Variants in NME8 observed in about 807,000 individuals in gnomAD.
The protein encoded by NME8 is NME/NM23 family member 8.
NME8 carries 72 observed loss-of-function variants against 82.3 expected under a neutral mutation model. That is an observed-to-expected ratio of 0.87 (90% CI 0.72 to 1.06). The LOEUF (loss-of-function observed/expected upper bound fraction) is 1.06, where lower values mean the gene tolerates loss of function less well. Among genes scored for constraint, NME8 ranks in the 50% least tolerant of loss-of-function variants. NME8 has a pLI of 0.00. For synonymous variants in NME8, 267 were observed against 228.5 expected, an observed-to-expected ratio of 1.17 and a Z score of -1.52; for missense variants, 712 against 685.4, an observed-to-expected ratio of 1.04 and a Z score of -0.43.
chr7:37,851,408 G>T (rs1180161594), intron 5 of NME8, among the ~76,000 whole-genome samples: 2 of 152,034 alleles, frequency 1.3e-5, no homozygotes, highest in African/African-American at 4.8e-5. Flanking sequence ...TAAAATCTGG[G>T]ATAACTTGAG....
chr7:37,851,757 A>C (rs912915310), intron 5 of NME8, among the ~76,000 whole-genome samples: 4 of 152,142 alleles, frequency 2.6e-5, no homozygotes, highest in Non-Finnish European at 5.9e-5. Context: ...CAAACCAACT[A>C]GACTTAAGAT....
chr7:37,874,890 G>T lies in NME8; in HGVS notation c.819-1942G>T, dbSNP rs1231550924. 2.6e-5 allele frequency among the ~76,000 whole-genome samples: 4 copies of T among 152,146 alleles called. No homozygotes were observed. In the East Asian group the frequency reaches 7.7e-4, roughly 29 times the overall value. ...ACTTATTAATTATAAGGGGAAAATT[G>T]TAGCTTTTCAGTAGATAAAATGGGG... On this transcript the variant is annotated intron_variant, in intron 11 of 17. Transcript: ENST00000199447.
At chr7:37,851,897 C>A (rs538174019) in intron 5 of NME8, among the ~76,000 whole-genome samples, 235 of 152,262 alleles carry the variant, frequency 1.5e-3, no homozygotes, top group Non-Finnish European at 2.7e-3. Context: ...CCCCTTTCAA[C>A]CCAAACATTG....
chr7:37,877,074 AT>A, intron 12 of NME8, 67 bp downstream of exon 12: 1 of 1,300,912 alleles, frequency 7.7e-7, no homozygotes, highest in Non-Finnish European at 1.1e-6. Flanking sequence ...CCCTAGTATA[AT>A]TGCATTTAAA....
intron 11 of NME8, among the ~76,000 whole-genome samples, chr7:37,869,294 C>G (rs530116478): frequency 6.6e-6 from 1 of 152,160 alleles, no homozygotes; most frequent in African/African-American, 2.4e-5. Context: ...TAAACAGTAG[C>G]AGTTACTTTC....
chr7:37,888,500 T>A, intron 15 of NME8, 72 bp downstream of exon 15: 1 of 1,447,870 alleles, frequency 6.9e-7, no homozygotes, highest in Non-Finnish European at 9.5e-7. Context: ...AAATTTACAA[T>A]CAGAAAAGCA....
Position 37,867,847 on chromosome 7 carries a change from C to A in NME8, c.767C>A (p.Pro256His), listed in dbSNP as rs781400657. 4.8e-5 allele frequency: 78 copies of A among 1,613,722 alleles called. No homozygotes were observed. The highest frequency in any genetic ancestry group is 6.6e-5 in the Non-Finnish European group (78 of 1,179,880). The stretch of plus-strand genomic sequence containing the variant: ...CCTAACGAACGATCTGAGGATCAAC[C>A]TGAGGTCGAAGCCCAGGTTACACCT... ...TEPNERSEDQ[P>H]EVEAQVTPGM... The change falls in exon 11 of 18, where the codon CCT becomes CAT. Residue 256 changes from proline (P) to histidine (H), a missense_variant. Transcript: ENST00000199447.
intron 11 of NME8, 103 bp from the exon 12 acceptor site, chr7:37,876,729 T>G: frequency 1.2e-6 from 1 of 834,026 alleles, no homozygotes; most frequent in South Asian, 1.6e-5. Context: ...ATTTTTGTTT[T>G]ATTAAACTTC....
intron 11 of NME8, among the ~76,000 whole-genome samples, chr7:37,873,058 C>CA (rs1209558751): frequency 6.6e-6 from 1 of 152,136 alleles, no homozygotes; most frequent in East Asian, 1.9e-4. Flanking sequence ...ATGAGGCAAA[C>CA]AATTATGCTA....
At chr7:37,854,651 G>C (rs1185253967) in intron 5 of NME8, among the ~76,000 whole-genome samples, 7 of 152,152 alleles carry the variant, frequency 4.6e-5, no homozygotes, top group African/African-American at 1.7e-4. Flanking sequence ...ATGTCAGTTT[G>C]TTTTCTGGCA....
intron 11 of NME8, among the ~76,000 whole-genome samples, chr7:37,871,798 G>A (rs1784770773): frequency 6.6e-6 from 1 of 152,004 alleles, no homozygotes; most frequent in Admixed American, 6.6e-5. Flanking sequence ...TAGCTATAGG[G>A]AGCTTAATTT....
rs771622383 is a variant in NME8, at chr7:37,857,319, T to A, written c.244T>A (p.Cys82Ser). ...IVTLQPFRDK[C>S]EPVFLFSVNG... The stretch of plus-strand genomic sequence containing the variant: ...GACTTTGCAGCCATTTAGAGATAAA[T>A]GTGAACCTGTTTTTCTCTTTAGTGT... The change falls in exon 6 of 18, where the codon TGT becomes AGT. Residue 82 changes from cysteine (C) to serine (S), a missense_variant. Cys to Ser is a moderately radical substitution (Grantham distance 112). Coordinates refer to ENST00000199447, the MANE Select transcript of NME8 (RefSeq NM_016616.5). The A allele has an allele frequency of 1.2e-6, 2 of 1,611,348 alleles. No individual in the cohort carries two copies. The highest frequency in any genetic ancestry group is 8.5e-7 in the Non-Finnish European group (1 of 1,178,044).
At chr7:37,855,951 C>T (rs573239834) in intron 5 of NME8, among the ~76,000 whole-genome samples, 1 of 152,052 alleles carries the variant, frequency 6.6e-6, no homozygotes, top group Non-Finnish European at 1.5e-5. Flanking sequence ...AAAAAAAACC[C>T]AATTACTCTT....
At chr7:37,857,072 A>G (rs1784522322) in intron 5 of NME8, among the ~76,000 whole-genome samples, 1 of 152,138 alleles carries the variant, frequency 6.6e-6, no homozygotes, top group South Asian at 2.1e-4. Context: ...TGTAAAGGGA[A>G]ACGGTGCGGA....
At chr7:37,879,069 AT>A (rs1190259772) in intron 12 of NME8, among the ~76,000 whole-genome samples, 2 of 151,962 alleles carry the variant, frequency 1.3e-5, no homozygotes, top group Non-Finnish European at 2.9e-5. Flanking sequence ...TCCTTTTGTT[AT>A]TTGATATGTT....
chr7:37,849,542 T>A (rs953148155), intron 2 of NME8, among the ~76,000 whole-genome samples: 1 of 152,146 alleles, frequency 6.6e-6, no homozygotes, highest in African/African-American at 2.4e-5. Context: ...CACTGCATAA[T>A]CCAATGTACA....
At chr7:37,862,166 A>G in intron 7 of NME8, 22 bp downstream of exon 7, 1 of 1,463,484 alleles carries the variant, frequency 6.8e-7, no homozygotes, top group Non-Finnish European at 9.6e-7. Context: ...GATTAACAAC[A>G]GTTTGAAGAC....
At chr7:37,874,163 A>C (rs1784813065) in intron 11 of NME8, among the ~76,000 whole-genome samples, 1 of 152,078 alleles carries the variant, frequency 6.6e-6, no homozygotes, top group Non-Finnish European at 1.5e-5. Context: ...ATATGGGAGG[A>C]AAAAAAAGAA....
rs1341606541 is a variant in NME8 at position 37,862,074 on chromosome 7, T to A, written c.317T>A (p.Val106Asp). ...ATTCAGGGTGCAAATGCACCGCTTG[T>A]TAATAAAAAAGTTATTAATTTGATC... ...EKIQGANAPL[V>D]NKKVINLIDE... Residue 106 changes from valine (V) to aspartate (D), a missense_variant, in exon 7 of 18, where the codon GTT (valine) becomes GAT (aspartate). Transcript: ENST00000199447. 1.2e-6 allele frequency: 2 copies of A among 1,613,734 alleles called. No homozygotes were observed. Among genetic ancestry groups the A allele is most frequent in the Non-Finnish European group, 1.7e-6 (2 of 1,179,868 alleles).
Sources: gnomAD v4.1 joint callset for allele counts (sites outside exome capture counted in the v4.1 genomes callset) on GRCh38, gnomAD v4.1.1 for gene constraint, MANE v1.5 for transcripts, NCBI Gene and HGNC (gene_info 2026-07-23, HGNC 2026-07-21) for gene names.